Variants in DCC observed in about 807,000 individuals in gnomAD.
DCC encodes DCC netrin 1 receptor.
In DCC, 58 loss-of-function variants were observed where a neutral mutation model predicts 172.5. That is an observed-to-expected ratio of 0.34 (90% CI 0.27 to 0.42). The LOEUF (loss-of-function observed/expected upper bound fraction) is 0.42, where lower values mean the gene tolerates loss of function less well. DCC is among the 10% of genes least tolerant of loss of function. The pLI, the probability that DCC is intolerant of heterozygous loss-of-function variation, is 1.00. For missense variants in DCC, 1,740 were observed against 1,791.0 expected (o/e 0.97, Z 0.51); for synonymous variants, 709 against 644.5 (o/e 1.10, Z -1.52).
intron 2 of DCC, among the ~76,000 whole-genome samples, chr18:52,869,183 C>G (rs966086461): frequency 6.6e-6 from 1 of 152,194 alleles, no homozygotes; most frequent in Non-Finnish European, 1.5e-5. Context: ...TTCCCAAGTT[C>G]TCGTCCCGCA....
Position 52,676,899 on chromosome 18 carries a change from G to A in DCC, c.92-75155G>A, listed in dbSNP as rs532654821. ...TTTGTCTTGAATTGAAATCACTTGG[G>A]GGTTATAAATTTTATCTTTTTAACC... is the stretch of plus-strand genomic sequence containing the variant. On this transcript the variant is annotated intron_variant, in intron 1 of 28. Coordinates refer to ENST00000442544, the MANE Select transcript of DCC (RefSeq NM_005215.4). Among the ~76,000 whole-genome samples the A allele has an allele frequency of 5.2e-4, 79 of 152,142 alleles. No individual in the cohort carries two copies. In the South Asian group the frequency reaches 9.8e-3, roughly 19 times the overall value.
At chr18:52,741,548 A>C (rs547716400) in intron 1 of DCC, among the ~76,000 whole-genome samples, 10 of 152,316 alleles carry the variant, frequency 6.6e-5, no homozygotes, top group African/African-American at 2.4e-4. Context: ...AGACATCGCC[A>C]GAAATTTCCT....
At chr18:53,334,017 A>G (rs1030625348) in intron 14 of DCC, among the ~76,000 whole-genome samples, 1 of 152,218 alleles carries the variant, frequency 6.6e-6, no homozygotes, top group Non-Finnish European at 1.5e-5. Flanking sequence ...TCAAAGACCT[A>G]TGGGTTATGA....
At chr18:53,083,846 C>A (rs574894974) in intron 7 of DCC, among the ~76,000 whole-genome samples, 3 of 152,108 alleles carry the variant, frequency 2.0e-5, no homozygotes, top group Non-Finnish European at 2.9e-5. Flanking sequence ...TGTTTACAGC[C>A]TTCTTTTGTA....
chr18:52,645,553 G>T (rs939373352), intron 1 of DCC, among the ~76,000 whole-genome samples: 2 of 152,072 alleles, frequency 1.3e-5, no homozygotes, highest in Non-Finnish European at 2.9e-5. Flanking sequence ...TGGAGTAAAA[G>T]CTTGTCCTCA....
At chr18:53,187,805 T>A (rs1457393472) in intron 9 of DCC, among the ~76,000 whole-genome samples, 1 of 152,096 alleles carries the variant, frequency 6.6e-6, no homozygotes, top group East Asian at 1.9e-4. Flanking sequence ...CAATGAGGAG[T>A]TGAGTTGGGA....
chr18:52,793,264 G>A (rs1412772769), intron 2 of DCC, among the ~76,000 whole-genome samples: 1 of 151,920 alleles, frequency 6.6e-6, no homozygotes, highest in African/African-American at 2.4e-5. Flanking sequence ...GGCTGACAAA[G>A]AGAAGGGAAG....
intron 1 of DCC, among the ~76,000 whole-genome samples, chr18:52,473,345 A>G (rs1988999958): frequency 6.6e-6 from 1 of 152,224 alleles, no homozygotes; most frequent in African/African-American, 2.4e-5. Context: ...TTGTTTGATG[A>G]CACTGGTCTC....
chr18:53,022,539 A>ATGTGTGTG lies in DCC; in HGVS notation c.986-40762_986-40761insTGTGTGTG, dbSNP rs147745217. The stretch of plus-strand genomic sequence containing the variant: ...TATGTTCAGTATTTTTTATATATAT[A>ATGTGTGTG]TGTGCGTGTGTGTGTGTGTGTGTGT... On this transcript the variant is annotated intron_variant, in intron 5 of 28. Coordinates refer to ENST00000442544, the MANE Select transcript of DCC (RefSeq NM_005215.4). Among the ~76,000 whole-genome samples the ATGTGTGTG allele has an allele frequency of 3.1e-3, 369 of 117,712 alleles. 5 individuals are homozygous for ATGTGTGTG. Among genetic ancestry groups the ATGTGTGTG allele is most frequent in the African/African-American group, 9.4e-3 (356 of 37,690 alleles). The allele number at this position is 117,712 out of a possible 152,430, so 77.2% of individuals were successfully genotyped here.
chr18:53,421,260 T>C (rs1910632062), intron 21 of DCC, among the ~76,000 whole-genome samples: 1 of 152,220 alleles, frequency 6.6e-6, no homozygotes, highest in Admixed American at 6.5e-5. Context: ...AAATGTTTAC[T>C]CTTTCATGTG....
At chr18:53,426,613 T>A (rs11662556) in intron 21 of DCC, among the ~76,000 whole-genome samples, 2 of 151,086 alleles carry the variant, frequency 1.3e-5, no homozygotes, top group African/African-American at 4.9e-5. Context: ...TAGATAATCA[T>A]CCTGTTTTTC....
chr18:53,105,571 A>C, intron 7 of DCC, among the ~76,000 whole-genome samples: 1 of 152,002 alleles, frequency 6.6e-6, no homozygotes, highest in African/African-American at 2.4e-5. Context: ...AGAGTTAAAT[A>C]CATGTATTTG....
At chr18:52,450,767 C>T (rs1182714789) in intron 1 of DCC, among the ~76,000 whole-genome samples, 1 of 152,018 alleles carries the variant, frequency 6.6e-6, no homozygotes, top group South Asian at 2.1e-4. Context: ...AATGAATGAA[C>T]CATGTAAAAT....
intron 21 of DCC, among the ~76,000 whole-genome samples, chr18:53,433,044 C>T (rs1911722452): frequency 6.6e-6 from 1 of 151,988 alleles, no homozygotes; most frequent in Non-Finnish European, 1.5e-5. Flanking sequence ...TACATGATTT[C>T]CTTTTGTGAT....
chr18:53,226,272 T>C (rs2056026440), intron 12 of DCC, among the ~76,000 whole-genome samples: 1 of 151,984 alleles, frequency 6.6e-6, no homozygotes, highest in African/African-American at 2.4e-5. Context: ...CAGACAAAGG[T>C]AAGGTCTAGA....
chr18:53,377,063 A>C (rs762129217), intron 15 of DCC, among the ~76,000 whole-genome samples: 6 of 152,172 alleles, frequency 3.9e-5, no homozygotes, highest in Admixed American at 6.5e-5. Flanking sequence ...GTGCAGTTTG[A>C]AACTTGTTGA....
intron 1 of DCC, among the ~76,000 whole-genome samples, chr18:52,590,910 G>A (rs1012657137): frequency 6.6e-6 from 1 of 152,094 alleles, no homozygotes; most frequent in African/African-American, 2.4e-5. Flanking sequence ...TTAGAGTAAT[G>A]GATTACACAC....
intron 15 of DCC, among the ~76,000 whole-genome samples, chr18:53,372,931 AG>A (rs1400122584): frequency 1.3e-5 from 2 of 152,032 alleles, no homozygotes; most frequent in African/African-American, 4.8e-5. Flanking sequence ...GCCCCTTTTA[AG>A]TTTGCATCTC....
chr18:52,939,412 T>C (rs2040427779), intron 5 of DCC, among the ~76,000 whole-genome samples: 1 of 152,222 alleles, frequency 6.6e-6, no homozygotes, highest in African/African-American at 2.4e-5. Context: ...TCTACTTGTT[T>C]ATTAACTGTT....
Sources: gnomAD v4.1 joint callset for allele counts (sites outside exome capture counted in the v4.1 genomes callset) on GRCh38, gnomAD v4.1.1 for gene constraint, MANE v1.5 for transcripts, NCBI Gene and HGNC (gene_info 2026-07-23, HGNC 2026-07-21) for gene names.